Variants in NRG3 observed in about 807,000 individuals in gnomAD.
The protein encoded by NRG3 is pro-neuregulin-3, membrane-bound isoform.
Under a neutral mutation model 66.9 loss-of-function variants are expected in NRG3, and 31 were observed. The ratio of observed to expected loss-of-function variants is 0.46; its 90% confidence interval spans 0.35 to 0.63. The LOEUF is 0.63. Ranked by LOEUF, NRG3 falls within the 20% of genes least tolerant of loss-of-function variation. NRG3 has a pLI of 0.00. For missense variants in NRG3, 910 were observed against 878.9 expected (o/e 1.04, Z -0.45); for synonymous variants, 393 against 359.4 (o/e 1.09, Z -1.06).
intron 1 of NRG3, among the ~76,000 whole-genome samples, chr10:82,081,123 G>T (rs2065366917): frequency 6.6e-6 from 1 of 152,170 alleles, no homozygotes; most frequent in East Asian, 1.9e-4. Context: ...TTTTGTGGGG[G>T]AATGTGTGTA....
chr10:82,654,507 TA>T (rs1267299368), intron 2 of NRG3, among the ~76,000 whole-genome samples: 1 of 152,200 alleles, frequency 6.6e-6, no homozygotes, highest in Non-Finnish European at 1.5e-5. Flanking sequence ...GCTTAATGTA[TA>T]AAGCAAAAAG....
At chr10:82,211,130 A>G (rs2075372715) in intron 1 of NRG3, among the ~76,000 whole-genome samples, 2 of 152,144 alleles carry the variant, frequency 1.3e-5, no homozygotes, top group Admixed American at 6.5e-5. Context: ...TTGGAAGATA[A>G]TATTAAAATA....
chr10:82,150,273 T>G (rs894195895), intron 1 of NRG3, among the ~76,000 whole-genome samples: 2 of 152,082 alleles, frequency 1.3e-5, no homozygotes, highest in African/African-American at 4.8e-5. Flanking sequence ...GCCCAGGAGC[T>G]GGCAGGTGTT....
chr10:81,932,880 G>A (rs991269), intron 1 of NRG3, among the ~76,000 whole-genome samples: 33,075 of 151,824 alleles, frequency 0.22, 4,080 homozygotes, highest in East Asian at 0.42. Context: ...AGGCCAAGGC[G>A]GGTGAATCAC....
At chr10:82,230,174 T>A (rs180834434) in intron 1 of NRG3, 3 of 152,272 alleles carry the variant, frequency 2.0e-5, no homozygotes, top group Non-Finnish European at 2.9e-5. Flanking sequence ...AAAAAAATTA[T>A]GCAAAATGAT....
intron 6 of NRG3, among the ~76,000 whole-genome samples, chr10:82,963,507 C>T (rs1028045127): frequency 5.9e-5 from 9 of 151,730 alleles, no homozygotes; most frequent in African/African-American, 2.2e-4. Flanking sequence ...GGTGAAACCC[C>T]GTCTCTACTA....
intron 1 of NRG3, among the ~76,000 whole-genome samples, chr10:81,992,073 T>G (rs2060764640): frequency 6.6e-6 from 1 of 152,116 alleles, no homozygotes; most frequent in Admixed American, 6.6e-5. Context: ...CAAAATTCCA[T>G]TGTAAGTTGG....
chr10:82,495,525 A>G (rs1399621231), intron 2 of NRG3, among the ~76,000 whole-genome samples: 1 of 151,982 alleles, frequency 6.6e-6, no homozygotes, highest in African/African-American at 2.4e-5. Flanking sequence ...CAGATGTAAT[A>G]GATTTTTGTG....
chr10:82,138,309 A>G (rs1002606716), intron 1 of NRG3, among the ~76,000 whole-genome samples: 2 of 152,288 alleles, frequency 1.3e-5, no homozygotes, highest in East Asian at 1.9e-4. Context: ...GCCCAAAGGT[A>G]GGATACATTT....
intron 1 of NRG3, among the ~76,000 whole-genome samples, chr10:82,129,178 G>A (rs928612348): frequency 1.3e-5 from 2 of 151,948 alleles, no homozygotes; most frequent in South Asian, 2.1e-4. Flanking sequence ...CTCCCAAAGT[G>A]CTGGGATTAC....
At chr10:82,303,068 C>T (rs1160649821) in intron 1 of NRG3, among the ~76,000 whole-genome samples, 1 of 152,138 alleles carries the variant, frequency 6.6e-6, no homozygotes, top group African/African-American at 2.4e-5. Flanking sequence ...AAACACATAT[C>T]TCTCTACTAT....
intron 3 of NRG3, among the ~76,000 whole-genome samples, chr10:82,762,931 T>C (rs945563127): frequency 4.6e-5 from 7 of 152,232 alleles, no homozygotes; most frequent in African/African-American, 1.4e-4. Flanking sequence ...ATTAATGCTG[T>C]TATTGTCCAT....
chr10:82,874,452 C>G (rs912240593), intron 4 of NRG3, among the ~76,000 whole-genome samples: 4 of 143,094 alleles, frequency 2.8e-5, no homozygotes, highest in Non-Finnish European at 6.1e-5. Context: ...AAAAAAAAAG[C>G]ATTTTCATTC....
intron 2 of NRG3, among the ~76,000 whole-genome samples, chr10:82,722,399 G>A (rs147559492): frequency 5.3e-5 from 8 of 152,276 alleles, no homozygotes; most frequent in African/African-American, 1.7e-4. Flanking sequence ...ATCAAAGGAA[G>A]ATGAGACATT....
chr10:81,956,760 C>T (rs1177586141), intron 1 of NRG3, among the ~76,000 whole-genome samples: 4 of 152,128 alleles, frequency 2.6e-5, no homozygotes, highest in African/African-American at 9.7e-5. Flanking sequence ...GATCAAGTCC[C>T]TATTTTACTT....
chr10:82,244,808 A>G (rs528366426), intron 1 of NRG3, among the ~76,000 whole-genome samples: 43 of 152,172 alleles, frequency 2.8e-4, no homozygotes, highest in Non-Finnish European at 4.3e-4. Context: ...ATCTCGGCTC[A>G]CTGCAACTGC....
intron 4 of NRG3, among the ~76,000 whole-genome samples, chr10:82,916,475 C>A (rs188938436): frequency 6.6e-6 from 1 of 152,042 alleles, no homozygotes; most frequent in Non-Finnish European, 1.5e-5. Context: ...GGTGGGGGAA[C>A]AAAAATAAAA....
At chr10:82,136,936 G>A (rs1386537903) in intron 1 of NRG3, among the ~76,000 whole-genome samples, 1 of 152,198 alleles carries the variant, frequency 6.6e-6, no homozygotes. Flanking sequence ...TGGGAGATGA[G>A]AGAGGGGTAA....
intron 2 of NRG3, among the ~76,000 whole-genome samples, chr10:82,612,014 A>G (rs1305164339): frequency 1.3e-5 from 2 of 152,140 alleles, no homozygotes; most frequent in African/African-American, 2.4e-5. Context: ...TTCTCTAATG[A>G]CCAGTGATGA....
Sources: gnomAD v4.1 joint callset for allele counts (sites outside exome capture counted in the v4.1 genomes callset) on GRCh38, gnomAD v4.1.1 for gene constraint, MANE v1.5 for transcripts, NCBI Gene and HGNC (gene_info 2026-07-23, HGNC 2026-07-21) for gene names.